The following CNBD1 variants were observed in gnomAD, a reference collection of about 807,000 sequenced individuals.
CNBD1 encodes the protein cyclic nucleotide binding domain containing 1, also known as cyclic nucleotide-binding domain-containing protein 1.
In CNBD1, 71 loss-of-function variants were observed where a neutral mutation model predicts 54.4. That is an observed-to-expected ratio of 1.30 (90% CI 1.08 to 1.59). The LOEUF (loss-of-function observed/expected upper bound fraction) is 1.59, where lower values mean the gene tolerates loss of function less well. Ranked by LOEUF, CNBD1 falls within the 40% of genes most tolerant of loss-of-function variation. CNBD1 has a pLI of 0.00. For synonymous variants in CNBD1, 182 were observed against 170.7 expected (o/e 1.07, Z -0.51); for missense variants, 659 against 518.0 (o/e 1.27, Z -2.64).
chr8:86,934,602 T>C (rs901215502), intron 3 of CNBD1, among the ~76,000 whole-genome samples: 3 of 152,210 alleles, frequency 2.0e-5, no homozygotes, highest in Non-Finnish European at 4.4e-5. Flanking sequence ...TTCAGTATAA[T>C]ATTTGCTGTA....
intron 4 of CNBD1, among the ~76,000 whole-genome samples, chr8:86,978,245 C>T (rs1016935412): frequency 6.6e-6 from 1 of 152,072 alleles, no homozygotes; most frequent in Non-Finnish European, 1.5e-5. Flanking sequence ...CCATTAATCT[C>T]GTTTACAGAA....
intron 4 of CNBD1, among the ~76,000 whole-genome samples, chr8:86,997,852 T>G (rs1174898313): frequency 6.6e-6 from 1 of 152,180 alleles, no homozygotes; most frequent in Admixed American, 6.5e-5. Flanking sequence ...GGAAAGGTTA[T>G]GCTTTCCTTA....
chr8:87,213,479 G>A (rs1814144984), intron 5 of CNBD1, among the ~76,000 whole-genome samples: 4 of 152,116 alleles, frequency 2.6e-5, no homozygotes, highest in Admixed American at 1.3e-4. Context: ...CTTACATGGT[G>A]GCAGACAAGA....
rs76986437 is a variant in CNBD1 at position 87,145,332 on chromosome 8, G to T, written c.432-60661G>T. Among the ~76,000 whole-genome samples, 131 of 152,180 alleles carry T rather than the reference G, an allele frequency of 8.6e-4. 2 individuals carry two copies. The East Asian group carries it at 0.015, about 17-fold the overall frequency. On this transcript the variant is annotated intron_variant, in intron 4 of 10. Transcript: ENST00000518476. Reference sequence around the variant, plus strand: ...AAAATTAATGTCAACTTTAGAATTTGTACCTGTCAAAAATATCTTTCATGG... The same window carrying T: ...AAAATTAATGTCAACTTTAGAATTTTTACCTGTCAAAAATATCTTTCATGG...
At chr8:87,419,114 T>A (rs1422192655) in intron 2 of CNBD1, among the ~76,000 whole-genome samples, 1 of 151,952 alleles carries the variant, frequency 6.6e-6, no homozygotes, top group Non-Finnish European at 1.5e-5. Flanking sequence ...TATATATTCA[T>A]TCATAAAAAT....
At chr8:87,316,115 A>T (rs1202303948) in intron 8 of CNBD1, among the ~76,000 whole-genome samples, 1 of 152,078 alleles carries the variant, frequency 6.6e-6, no homozygotes, top group East Asian at 1.9e-4. Context: ...AATAATAAAA[A>T]ATTAGTATTC....
chr8:87,228,128 A>G (rs1814553448), intron 5 of CNBD1, among the ~76,000 whole-genome samples: 1 of 150,312 alleles, frequency 6.7e-6, no homozygotes, highest in Admixed American at 6.6e-5. Context: ...TGGTTATTCT[A>G]GTTATACATT....
At chr8:87,307,562 G>A (rs114862283) in intron 8 of CNBD1, among the ~76,000 whole-genome samples, 5,222 of 151,948 alleles carry the variant, frequency 0.034, 285 homozygotes, top group African/African-American at 0.12. Flanking sequence ...ACATGGCGAA[G>A]TGTCATCTCT....
chr8:87,422,208 T>TC (rs1249592127), intron 2 of CNBD1, among the ~76,000 whole-genome samples: 30 of 147,238 alleles, frequency 2.0e-4, no homozygotes, highest in African/African-American at 3.9e-4. Context: ...GCAAAAATTT[T>TC]TCCCATTTTG....
At chr8:87,385,465 A>T (rs957612624), downstream of CNBD1, among the ~76,000 whole-genome samples, 7 of 151,988 alleles carry the variant, frequency 4.6e-5, no homozygotes, top group African/African-American at 1.7e-4. Context: ...ACACCAGGAG[A>T]TTATATCCTG....
chr8:87,230,728 C>A (rs1814666966), intron 5 of CNBD1, among the ~76,000 whole-genome samples: 1 of 152,092 alleles, frequency 6.6e-6, no homozygotes, highest in Admixed American at 6.5e-5. Context: ...CTCTTCATGG[C>A]ATGTTTGGTA....
intron 3 of CNBD1, among the ~76,000 whole-genome samples, chr8:86,919,982 TG>T (rs1455090692): frequency 6.6e-6 from 1 of 152,072 alleles, no homozygotes; most frequent in African/African-American, 2.4e-5. Flanking sequence ...GTTTACTGTT[TG>T]ATATGTTTCT....
At chr8:87,090,041 T>C (rs1207577381) in intron 4 of CNBD1, among the ~76,000 whole-genome samples, 1 of 152,122 alleles carries the variant, frequency 6.6e-6, no homozygotes, top group East Asian at 1.9e-4. Context: ...TATTTTTAAT[T>C]ACTTAGTTCT....
At chr8:86,984,488 G>C (rs974558236) in intron 4 of CNBD1, among the ~76,000 whole-genome samples, 1 of 152,136 alleles carries the variant, frequency 6.6e-6, no homozygotes, top group Non-Finnish European at 1.5e-5. Context: ...CTGTGTGTCT[G>C]GAAAAGCTGC....
Position 87,353,680 on chromosome 8 carries a change from G to C in CNBD1, c.1197G>C (p.Lys399Asn). The C allele has an allele frequency of 6.2e-7, 1 of 1,604,414 alleles. No individual in the cohort carries two copies. The highest frequency in any genetic ancestry group is 8.5e-7 in the Non-Finnish European group (1 of 1,175,814). Residue 399 changes from lysine (K) to asparagine (N), a missense_variant, in exon 10 of 11, where the codon AAG becomes AAC. Transcript: ENST00000518476. ...TTTATATGGGGAAACTTAAGGAGAAGGAGTCCTTTGGTGAGATTAGCGTCC... is the reference window on the plus strand; with the variant it reads ...TTTATATGGGGAAACTTAAGGAGAACGAGTCCTTTGGTGAGATTAGCGTCC... Reference protein sequence around the residue: ...KLVYMGKLKEKESFGEISVLL... With the variant: ...KLVYMGKLKENESFGEISVLL...
intron 2 of CNBD1, among the ~76,000 whole-genome samples, chr8:87,423,246 T>G (rs1254942246): frequency 2.0e-5 from 3 of 151,928 alleles, no homozygotes; most frequent in African/African-American, 4.8e-5. Flanking sequence ...CTTCCTCTTT[T>G]CCTAATTGAA....
At chr8:87,043,987 TA>T (rs1411294695) in intron 4 of CNBD1, among the ~76,000 whole-genome samples, 1 of 152,228 alleles carries the variant, frequency 6.6e-6, no homozygotes, top group African/African-American at 2.4e-5. Flanking sequence ...ATGTCTTTGG[TA>T]GAAAGAGCCA....
intron 10 of CNBD1, among the ~76,000 whole-genome samples, chr8:87,376,442 T>C (rs1484073458): frequency 6.6e-6 from 1 of 151,952 alleles, no homozygotes; most frequent in Non-Finnish European, 1.5e-5. Context: ...CGTTAGGATT[T>C]CAACCTATGA....
chr8:87,244,683 C>T lies in CNBD1; in HGVS notation c.771+7571C>T, dbSNP rs142182176. On this transcript the variant is annotated intron_variant, in intron 6 of 10. Coordinates refer to ENST00000518476, the MANE Select transcript of CNBD1 (RefSeq NM_173538.3). ...ATGTCCCCTGACTCATATCCCAACC[C>T]CCAGTGTTAAGATGGCTTCCTTTAA... Among the ~76,000 whole-genome samples, 479 of 152,198 alleles carry T rather than the reference C, an allele frequency of 3.1e-3. 2 individuals carry two copies. The highest frequency in any genetic ancestry group is 0.011 in the African/African-American group (448 of 41,534).
Sources: allele counts gnomAD v4.1 joint callset (sites outside exome capture counted in the v4.1 genomes callset), GRCh38; gene constraint gnomAD v4.1.1; transcripts MANE v1.5; gene names NCBI Gene and HGNC (gene_info 2026-07-23, HGNC 2026-07-21).